The following LMBR1 variants were observed in gnomAD, a reference collection of about 807,000 sequenced individuals.
LMBR1 encodes the protein limb region 1 protein homolog.
A neutral mutation model predicts 73.9 loss-of-function variants in LMBR1; 52 were observed. The observed-to-expected ratio is 0.70, with a 90% CI of 0.56 to 0.89. LMBR1 has a LOEUF of 0.89. Ranked by LOEUF, LMBR1 falls within the 40% of genes least tolerant of loss-of-function variation. LMBR1 has a pLI of 0.00. For synonymous variants in LMBR1, 215 were observed against 209.4 expected, an observed-to-expected ratio of 1.03 and a Z score of -0.23; for missense variants, 539 against 579.8, an observed-to-expected ratio of 0.93 and a Z score of 0.72.
At chr7:156,858,122 A>G (rs1220759717) in intron 1 of LMBR1, among the ~76,000 whole-genome samples, 1 of 151,864 alleles carries the variant, frequency 6.6e-6, no homozygotes, top group Non-Finnish European at 1.5e-5. Flanking sequence ...TGAAAACAGG[A>G]AATCAATTTT....
At chr7:156,882,098 T>A (rs1322734315) in intron 1 of LMBR1, among the ~76,000 whole-genome samples, 5 of 152,186 alleles carry the variant, frequency 3.3e-5, no homozygotes, top group Non-Finnish European at 7.3e-5. Context: ...GGATGGATAA[T>A]GAAAATGTGG....
At chr7:156,802,272 C>T (rs1016283726) in intron 4 of LMBR1, among the ~76,000 whole-genome samples, 3 of 152,244 alleles carry the variant, frequency 2.0e-5, no homozygotes, top group African/African-American at 7.2e-5. Context: ...CATGGGCCAC[C>T]ACGCCTGGCC....
intron 10 of LMBR1, among the ~76,000 whole-genome samples, chr7:156,730,847 G>A (rs990018245): frequency 6.6e-6 from 1 of 151,826 alleles, no homozygotes; most frequent in African/African-American, 2.4e-5. Flanking sequence ...TGAGGCAAGA[G>A]AATCACTTGA....
chr7:156,870,407 C>T (rs1799095205), intron 1 of LMBR1, among the ~76,000 whole-genome samples: 1 of 152,108 alleles, frequency 6.6e-6, no homozygotes, highest in African/African-American at 2.4e-5. Context: ...TTTACAAATA[C>T]ATGAAAAGTA....
intron 5 of LMBR1, among the ~76,000 whole-genome samples, chr7:156,772,568 C>G (rs575927374): frequency 6.6e-6 from 1 of 152,228 alleles, no homozygotes; most frequent in African/African-American, 2.4e-5. Context: ...AAATAAAAGG[C>G]TGGGTGTGGT....
intron 16 of LMBR1, among the ~76,000 whole-genome samples, chr7:156,684,731 A>G (rs1805650126): frequency 6.6e-6 from 1 of 151,878 alleles, no homozygotes; most frequent in Non-Finnish European, 1.5e-5. Context: ...CCGAGGTGGA[A>G]GGATCGTTTG....
chr7:156,701,647 AATTTT>A (rs1416239626), intron 15 of LMBR1, among the ~76,000 whole-genome samples: 6 of 152,208 alleles, frequency 3.9e-5, no homozygotes, highest in East Asian at 3.9e-4. Flanking sequence ...TCAAAAATTG[AATTTT>A]ATTTTAAGTT....
chr7:156,888,239 T>C (rs556816200), intron 1 of LMBR1, among the ~76,000 whole-genome samples: 3 of 151,416 alleles, frequency 2.0e-5, no homozygotes, highest in African/African-American at 7.3e-5. Flanking sequence ...TGAAACCCCG[T>C]CTCTACTAAA....
rs1343950098 is a variant in LMBR1 at position 156,680,403 on chromosome 7, A to AGAGTGTGTGT, written c.*3674_*3675insACACACACTC. On this transcript the variant is annotated 3_prime_UTR_variant, in exon 17 of 17. Coordinates refer to ENST00000353442, the MANE Select transcript of LMBR1 (RefSeq NM_022458.4). ...GAGAGAGAGAGAGAGAGAGAGAGAGAGTGTGTGTGTGTGTGTGTGTGTAAT... is the reference window on the plus strand; with the variant it reads ...GAGAGAGAGAGAGAGAGAGAGAGAGAGAGTGTGTGTGTGTGTGTGTGTGTGTGTGTGTAAT... 11 of 125,168 alleles carry AGAGTGTGTGT rather than the reference A, an allele frequency of 8.8e-5. No homozygotes were observed. The South Asian group carries it at 1.2e-3, about 14-fold the overall frequency. The allele number at this position is 125,168 out of a possible 1,614,324, so 7.8% of individuals were successfully genotyped here.
intron 5 of LMBR1, among the ~76,000 whole-genome samples, chr7:156,779,980 T>C (rs1251654378): frequency 6.6e-6 from 1 of 152,092 alleles, no homozygotes; most frequent in African/African-American, 2.4e-5. Context: ...TAAAAGCAGG[T>C]ATTAATTATT....
At chr7:156,777,346 G>A (rs895753413) in intron 5 of LMBR1, among the ~76,000 whole-genome samples, 1 of 152,160 alleles carries the variant, frequency 6.6e-6, no homozygotes, top group Non-Finnish European at 1.5e-5. Context: ...ACAGCTGAGT[G>A]GGGTCTGTGA....
Position 156,847,023 on chromosome 7 carries a change from C to CA in LMBR1, c.67-10139dup, listed in dbSNP as rs572106250. Reference sequence around the variant, plus strand: ...AAAGAGGACTGACACTACCCAGTTTCAAAACATTATAAGGCTACAATAATT... The same window carrying CA: ...AAAGAGGACTGACACTACCCAGTTTCAAAAACATTATAAGGCTACAATAATT... On this transcript the variant is annotated intron_variant, in intron 1 of 16. Coordinates refer to ENST00000353442, the MANE Select transcript of LMBR1 (RefSeq NM_022458.4). Among the ~76,000 whole-genome samples, 306 of 152,114 alleles carry CA rather than the reference C, an allele frequency of 2.0e-3. 1 individual carries two copies. Among genetic ancestry groups the CA allele is most frequent in the Non-Finnish European group, 3.4e-3 (232 of 67,990 alleles).
At chr7:156,676,232 A>G (rs1803970533), downstream of LMBR1, 2 of 1,498,918 alleles carry the variant, frequency 1.3e-6, no homozygotes, top group Admixed American at 4.2e-5. Context: ...GGAGTAACAG[A>G]GTATATGTGT....
chr7:156,888,325 G>A (rs1270577805), intron 1 of LMBR1, among the ~76,000 whole-genome samples: 1 of 151,416 alleles, frequency 6.6e-6, no homozygotes, highest in African/African-American at 2.4e-5. Flanking sequence ...CAGGAGAATG[G>A]CATGAACCGG....
rs1041020236 is a variant in LMBR1, at chr7:156,669,318, T to A, written n.867-31A>T. Reference sequence around the variant, plus strand: ...GAGAGACAAATAATAAAATATTTTGTTACAATTTTCAAGAATAAGTGCCAG... The same window carrying A: ...GAGAGACAAATAATAAAATATTTTGATACAATTTTCAAGAATAAGTGCCAG... On this transcript the variant is annotated intron_variant and non_coding_transcript_variant, in intron 4 of 4. Transcript: ENST00000430825. The surrounding 1 kb of genome is among the most constrained non-coding windows in gnomAD (Gnocchi z 4.2). 2 of 152,122 alleles carry A rather than the reference T, an allele frequency of 1.3e-5. No homozygotes were observed. Among genetic ancestry groups the A allele is most frequent in the Non-Finnish European group, 2.9e-5 (2 of 68,032 alleles). The allele number at this position is 152,122 out of a possible 1,614,324, so 9.4% of individuals were successfully genotyped here.
chr7:156,855,396 C>T (rs1796799106), intron 1 of LMBR1, among the ~76,000 whole-genome samples: 1 of 152,048 alleles, frequency 6.6e-6, no homozygotes, highest in African/African-American at 2.4e-5. Context: ...TCTCTTAACA[C>T]CATAGCAATT....
chr7:156,675,787 G>A (rs79950079), downstream of LMBR1: 5,355 of 1,614,052 alleles, frequency 3.3e-3, 159 homozygotes, highest in African/African-American at 0.064. Context: ...GCCATAAATC[G>A]AAGTGTTCTT....
chr7:156,881,480 G>A (rs1801078520), intron 1 of LMBR1, among the ~76,000 whole-genome samples: 1 of 152,144 alleles, frequency 6.6e-6, no homozygotes, highest in African/African-American at 2.4e-5. Context: ...ACAAAAATAT[G>A]TAAGTGGGAA....
chr7:156,795,083 G>A (rs1829865145), intron 5 of LMBR1, among the ~76,000 whole-genome samples: 1 of 152,092 alleles, frequency 6.6e-6, no homozygotes, highest in Non-Finnish European at 1.5e-5. Context: ...CCATTCTCCA[G>A]TATCTAAGTA....
Sources: gnomAD v4.1 joint callset for allele counts (sites outside exome capture counted in the v4.1 genomes callset) on GRCh38, gnomAD v4.1.1 for gene constraint, Gnocchi (gnomAD v3.1) non-coding constraint, MANE v1.5 for transcripts, NCBI Gene and HGNC (gene_info 2026-07-23, HGNC 2026-07-21) for gene names.